OS9: variants seen among roughly 807,000 people sequenced by gnomAD.
The protein encoded by OS9 is OS9 endoplasmic reticulum lectin.
Under a neutral mutation model 84.7 loss-of-function variants are expected in OS9, and 58 were observed. The ratio of observed to expected loss-of-function variants is 0.68; its 90% CI spans 0.55 to 0.85. The LOEUF (loss-of-function observed/expected upper bound fraction) is 0.85, where lower values mean the gene tolerates loss of function less well. Among genes scored for constraint, OS9 ranks in the 40% least tolerant of loss-of-function variants. The pLI is 0.00. For missense variants in OS9, 760 were observed against 850.9 expected, an observed-to-expected ratio of 0.89 and a Z score of 1.33; for synonymous variants, 278 against 320.8, an observed-to-expected ratio of 0.87 and a Z score of 1.43.
At position 57,718,266 on chromosome 12, in the gene OS9, G is replaced by A. The variant is rs1431777656; in HGVS notation, c.1255G>A (p.Glu419Lys). Reference sequence around the variant, plus strand: ...GAGAGAGATGGAAGAAGAGGAGGATGAGGATGAGGATGAGGATGAAGATGA... The same window carrying A: ...GAGAGAGATGGAAGAAGAGGAGGATAAGGATGAGGATGAGGATGAAGATGA... ...RQREMEEEEDEDEDEDEDEDE... is the reference protein window; with the variant it reads ...RQREMEEEEDKDEDEDEDEDE... Residue 419 changes from glutamate (E) to lysine (K), a missense_variant, in exon 11 of 15, where the codon GAG becomes AAG. Transcript: ENST00000315970. The A allele has an allele frequency of 1.9e-6, 3 of 1,613,872 alleles. No individual in the cohort carries two copies. Among genetic ancestry groups the A allele is most frequent in the Non-Finnish European group, 2.5e-6 (3 of 1,179,878 alleles).
Position 57,695,987 on chromosome 12 carries a change from C to CT in OS9, c.430dup (p.Tyr144LeufsTer13), listed in dbSNP as rs753475501. On this transcript the variant is annotated frameshift_variant, in exon 4 of 15. Coordinates refer to ENST00000315970, the MANE Select transcript of OS9 (RefSeq NM_006812.4). LOFTEE classifies it high-confidence loss of function. ...ATTCAGAGATCAAAGGTGAAGTCCTCTATCTCGGCTACTACCAATCAGCCT... is the reference window on the plus strand; with the variant it reads ...ATTCAGAGATCAAAGGTGAAGTCCTCTTATCTCGGCTACTACCAATCAGCCT... 6.2e-7 allele frequency: 1 copy of CT among 1,613,560 alleles called. No individual in the cohort carries two copies. The highest frequency in any genetic ancestry group is 8.5e-7 in the Non-Finnish European group (1 of 1,179,464).
rs142631375 is a variant in OS9, at chr12:57,712,333, G to A, written c.580-3427G>A. ...GTCTTCATTTTCGTTCATTTTTGAG[G>A]TATTTTATAGTTTTCTTTTGATTTT... On this transcript the variant is annotated intron_variant, in intron 5 of 14. Transcript: ENST00000315970. 9.2e-3 allele frequency among the ~76,000 whole-genome samples: 1,397 copies of A among 152,136 alleles called. 17 individuals carry two copies. The highest frequency in any genetic ancestry group is 0.032 in the African/African-American group (1,317 of 41,492).
chr12:57,695,738 T>G, intron 2 of OS9, 42 bp from the exon 3 acceptor site: 1 of 1,298,592 alleles, frequency 7.7e-7, no homozygotes, highest in South Asian at 1.2e-5. Flanking sequence ...AGAAAAGATG[T>G]CTGCACTCCA....
At chr12:57,695,614 C>G in intron 2 of OS9, 166 bp from the exon 3 acceptor site, 1 of 714,980 alleles carries the variant, frequency 1.4e-6, no homozygotes, top group Non-Finnish European at 2.6e-6. Context: ...AGGAAAGCAG[C>G]CCTCCCTCCT....
intron 11 of OS9, among the ~76,000 whole-genome samples, chr12:57,718,679 C>T (rs906925004): frequency 1.7e-4 from 26 of 152,054 alleles, no homozygotes; most frequent in Admixed American, 3.9e-4. Flanking sequence ...CCGAGGTGAG[C>T]GGATCACCTG....
chr12:57,719,441 T>C (rs942094415), intron 12 of OS9: 8 of 483,480 alleles, frequency 1.7e-5, no homozygotes, highest in Non-Finnish European at 2.6e-5. Context: ...ACCCAGTGCC[T>C]AGCACTCTGC....
chr12:57,716,095 C>T lies in OS9; in HGVS notation c.794C>T (p.Ser265Leu). The T allele has an allele frequency of 6.2e-7, 1 of 1,612,932 alleles. No homozygotes were observed. The highest frequency in any genetic ancestry group is 1.3e-5 in the African/African-American group (1 of 74,996). The change falls in exon 7 of 15, where the codon TCA becomes TTA. Residue 265 changes from serine to leucine, a missense_variant. Ser to Leu is a moderately radical substitution (Grantham distance 145). Coordinates refer to ENST00000315970, the MANE Select transcript of OS9 (RefSeq NM_006812.4). ...CTTGCATGCTGTTTCTCAGTAGACT[C>T]AAAGCAGTATGGAGATAAAATCATA... is the stretch of plus-strand genomic sequence containing the variant. Reference protein sequence around the residue: ...YMAYVQRQADSKQYGDKIIEE... With the variant: ...YMAYVQRQADLKQYGDKIIEE...
At chr12:57,704,462 G>A (rs1201632455) in intron 5 of OS9, among the ~76,000 whole-genome samples, 1 of 152,046 alleles carries the variant, frequency 6.6e-6, no homozygotes, top group Non-Finnish European at 1.5e-5. Context: ...GCTTGAACCT[G>A]GGAGACGGAG....
At position 57,716,112 on chromosome 12, in the gene OS9, A is replaced by G. The variant is rs1199758951; in HGVS notation, c.811A>G (p.Lys271Glu). The part of the protein sequence containing the change: ...RQADSKQYGD[K>E]IIEELQDLGP... ...AGTAGACTCAAAGCAGTATGGAGAT[A>G]AAATCATAGAGGAGCTGCAAGATCT... The change falls in exon 7 of 15, where the codon AAA becomes GAA. Residue 271 changes from lysine to glutamate, a missense_variant. Physicochemically the swap from Lys to Glu is moderately conservative, Grantham distance 56. Transcript: ENST00000315970. 1.2e-6 allele frequency: 2 copies of G among 1,613,744 alleles called. No homozygotes were observed.
chr12:57,716,328 G>T, intron 7 of OS9, 84 bp from the exon 8 acceptor site: 1 of 1,215,474 alleles, frequency 8.2e-7, no homozygotes. Context: ...GGTGATAGAG[G>T]AGGGGAAGGG....
chr12:57,716,189 G>C lies in OS9; in HGVS notation c.888G>C (p.Met296Ile). 6.2e-7 allele frequency: 1 copy of C among 1,604,758 alleles called. No homozygotes were observed. The highest frequency in any genetic ancestry group is 1.1e-5 in the South Asian group (1 of 90,846). The change falls in exon 7 of 15, where the codon ATG (methionine) becomes ATC (isoleucine). Residue 296 changes from methionine to isoleucine, a missense_variant. By Grantham distance (10) the Met-to-Ile change is conservative (BLOSUM62 1). Coordinates refer to ENST00000315970, the MANE Select transcript of OS9 (RefSeq NM_006812.4). Reference sequence around the variant, plus strand: ...AGTCTGGGGTGGCACCCCAAAAGATGGCAGGTAGGACCTTGTTTCACCTGT... The same window carrying C: ...AGTCTGGGGTGGCACCCCAAAAGATCGCAGGTAGGACCTTGTTTCACCTGT... ...ETKSGVAPQK[M>I]AGASPTKDDS...
Position 57,695,946 on chromosome 12 carries a change from GT to G in OS9, c.404-15del. The G allele has an allele frequency of 6.2e-7, 1 of 1,608,196 alleles. No homozygotes were observed. The highest frequency in any genetic ancestry group is 8.5e-7 in the Non-Finnish European group (1 of 1,174,650). On this transcript the variant is annotated splice_polypyrimidine_tract_variant and intron_variant, in intron 3 of 14. Coordinates refer to ENST00000315970, the MANE Select transcript of OS9 (RefSeq NM_006812.4). ...CTCTTAAGAGTAACAGTGCTTCACT[GT>G]GGCTTCCCTTGCAGATTCAGAGATC... is the stretch of plus-strand genomic sequence containing the variant.
intron 9 of OS9, 127 bp downstream of exon 9, chr12:57,716,871 G>A (rs868228027): frequency 2.6e-6 from 2 of 780,280 alleles, no homozygotes; most frequent in Middle Eastern, 3.5e-4. Context: ...CATTTTTATA[G>A]GAGTTAATAC....
intron 11 of OS9, among the ~76,000 whole-genome samples, chr12:57,718,630 C>T (rs188928943): frequency 1.0e-3 from 156 of 152,246 alleles, no homozygotes; most frequent in African/African-American, 2.9e-3. Context: ...TCTGGCCAGG[C>T]GCGGTGGCTC....
Position 57,720,850 on chromosome 12 carries a change from C to G in OS9, c.1945C>G (p.Arg649Gly), listed in dbSNP as rs772447189. 6.2e-7 allele frequency: 1 copy of G among 1,613,996 alleles called. No homozygotes were observed. The highest frequency in any genetic ancestry group is 1.1e-5 in the South Asian group (1 of 91,066). Residue 649 changes from arginine to glycine, a missense_variant, in exon 15 of 15, where the codon CGG becomes GGG. Physicochemically the swap from Arg to Gly is moderately radical, Grantham distance 125. Transcript: ENST00000315970. ...GAAAGAGCTGGAGAGCAATTACCGC[C>G]GGGTGTGGGGCTCTCCAGGTGGGGA... is the stretch of plus-strand genomic sequence containing the variant. ...RQKELESNYR[R>G]VWGSPGGEGT... is the part of the protein sequence containing the mutation.
In OS9 at chr12:57,718,363, G is replaced by A. The variant is rs368129992; in HGVS notation, c.1352G>A (p.Arg451Gln). ...EGILLPSDRD[R>Q]LRSEVKAGME... The stretch of plus-strand genomic sequence containing the variant: ...ATCCTGCTTCCGTCAGACCGAGACC[G>A]GCTCCGTTCGGAGGTGAAGGCTGGC... Residue 451 changes from arginine (R) to glutamine (Q), a missense_variant, in exon 11 of 15, where the codon CGG becomes CAG. Transcript: ENST00000315970. 2.3e-5 allele frequency: 37 copies of A among 1,614,206 alleles called. No individual in the cohort carries two copies. The highest frequency in any genetic ancestry group is 2.6e-5 in the Non-Finnish European group (31 of 1,180,048).
At chr12:57,705,006 CCATA>C (rs1322283260) in intron 5 of OS9, among the ~76,000 whole-genome samples, 2 of 152,172 alleles carry the variant, frequency 1.3e-5, no homozygotes, top group African/African-American at 4.8e-5. Context: ...ATTGAATAGT[CCATA>C]CATTCCTCTC....
chr12:57,708,888 T>C (rs1244714231), intron 5 of OS9, among the ~76,000 whole-genome samples: 4 of 152,220 alleles, frequency 2.6e-5, no homozygotes, highest in Non-Finnish European at 2.9e-5. Context: ...GAAATCACTC[T>C]GCTTAGGTAA....
Position 57,721,051 on chromosome 12 carries a change from G to T in OS9, c.*142G>T. On this transcript the variant is annotated 3_prime_UTR_variant, in exon 15 of 15. Transcript: ENST00000315970. ...TGTGGACCTCTCGGGCAACTCTGTG[G>T]GTGTGGGGGCCCTGGGTGAATGCTG... The T allele has an allele frequency of 1.1e-6, 1 of 925,952 alleles. No individual in the cohort carries two copies. The highest frequency in any genetic ancestry group is 1.6e-6 in the Non-Finnish European group (1 of 610,714). The allele number at this position is 925,952 out of a possible 1,614,324, so 57.4% of individuals were successfully genotyped here. A position where few individuals can be genotyped will look rare whatever the true frequency, so the allele number is the denominator to read the frequency against.
Sources: allele counts gnomAD v4.1 joint callset (sites outside exome capture counted in the v4.1 genomes callset), GRCh38; gene constraint gnomAD v4.1.1; transcripts MANE v1.5; gene names NCBI Gene and HGNC (gene_info 2026-07-23, HGNC 2026-07-21).